Variants in PPHLN1 observed in about 807,000 individuals in gnomAD.
PPHLN1 encodes the protein periphilin 1.
Under a neutral mutation model 51.3 loss-of-function variants are expected in PPHLN1, and 29 were observed. The observed-to-expected ratio is 0.57, with a 90% CI of 0.42 to 0.77. The LOEUF (loss-of-function observed/expected upper bound fraction) is 0.77. PPHLN1 is among the 30% of genes least tolerant of loss of function. PPHLN1 has a pLI of 0.00. For synonymous variants in PPHLN1, 147 were observed against 147.8 expected, an observed-to-expected ratio of 0.99 and a Z score of 0.04; for missense variants, 436 against 438.4, an observed-to-expected ratio of 0.99 and a Z score of 0.05.
chr12:42,367,062 C>T (rs2075343137), intron 4 of PPHLN1, among the ~76,000 whole-genome samples: 1 of 152,154 alleles, frequency 6.6e-6, no homozygotes, highest in Non-Finnish European at 1.5e-5. Context: ...AATTCTTTCT[C>T]ATTCTTCTCA....
chr12:42,350,022 C>T (rs549931994), intron 2 of PPHLN1, among the ~76,000 whole-genome samples: 57 of 150,474 alleles, frequency 3.8e-4, no homozygotes, highest in African/African-American at 1.3e-3. Context: ...AGGGGGTGGC[C>T]GGGCAGAGGC....
intron 2 of PPHLN1, among the ~76,000 whole-genome samples, chr12:42,350,509 C>T (rs1478593040): frequency 6.6e-6 from 1 of 151,786 alleles, no homozygotes; most frequent in Non-Finnish European, 1.5e-5. Context: ...GGGCTCCTCA[C>T]ATCCCAGAAG....
At chr12:42,436,605 T>C (rs2082507627) in intron 9 of PPHLN1, among the ~76,000 whole-genome samples, 1 of 152,166 alleles carries the variant, frequency 6.6e-6, no homozygotes, top group African/African-American at 2.4e-5. Context: ...TTAATTATAA[T>C]ATCCCCCCCT....
chr12:42,355,124 T>C lies in PPHLN1; in HGVS notation c.238-37T>C, dbSNP rs372210035. Reference sequence around the variant, plus strand: ...GATATGTCCCACTTGTCCAAAATAATGTAAACAAATAGCTAAGTAGCTTTT... The same window carrying C: ...GATATGTCCCACTTGTCCAAAATAACGTAAACAAATAGCTAAGTAGCTTTT... On this transcript the variant is annotated intron_variant, in intron 3 of 9. Transcript: ENST00000358314. 5.6e-6 allele frequency: 9 copies of C among 1,595,726 alleles called. No homozygotes were observed. The African/African-American group carries it at 1.2e-4, about 21-fold the overall frequency.
intron 9 of PPHLN1, among the ~76,000 whole-genome samples, chr12:42,429,154 C>A (rs2081797379): frequency 6.6e-6 from 1 of 152,028 alleles, no homozygotes; most frequent in African/African-American, 2.4e-5. Flanking sequence ...TTAGATTTAG[C>A]CTTTTTATAT....
At chr12:42,421,600 A>G (rs982182628) in intron 9 of PPHLN1, among the ~76,000 whole-genome samples, 19 of 152,168 alleles carry the variant, frequency 1.2e-4, no homozygotes, top group Non-Finnish European at 2.8e-4. Flanking sequence ...CACCCGCCTC[A>G]GCCTTCCAAA....
chr12:42,390,165 T>G (rs1435819168), intron 7 of PPHLN1, among the ~76,000 whole-genome samples: 3 of 152,190 alleles, frequency 2.0e-5, no homozygotes, highest in Non-Finnish European at 4.4e-5. Context: ...ATATACTGGG[T>G]GTCTGGGGGG....
chr12:42,410,386 G>A (rs545032274), intron 9 of PPHLN1, among the ~76,000 whole-genome samples: 2 of 152,222 alleles, frequency 1.3e-5, no homozygotes, highest in South Asian at 4.1e-4. Flanking sequence ...CAGTTGCATA[G>A]TCAACTGTGT....
intron 4 of PPHLN1, among the ~76,000 whole-genome samples, chr12:42,371,562 C>T (rs1466494204): frequency 6.6e-6 from 1 of 152,150 alleles, no homozygotes; most frequent in Non-Finnish European, 1.5e-5. Flanking sequence ...TTCTTGTTCA[C>T]ATAGTACTTT....
chr12:42,411,927 C>G (rs2079881560), intron 9 of PPHLN1, among the ~76,000 whole-genome samples: 9 of 85,130 alleles, frequency 1.1e-4, no homozygotes, highest in East Asian at 6.8e-4. Context: ...AAAAAAAGGG[C>G]TGGGCGCGGT....
intron 5 of PPHLN1, 38 bp from the exon 6 acceptor site, chr12:42,384,902 G>C (rs1234578594): frequency 6.5e-7 from 1 of 1,542,816 alleles, no homozygotes; most frequent in Admixed American, 1.7e-5. Context: ...GGGCACAGAG[G>C]TGCTGCTGTT....
At chr12:42,402,624 C>T in intron 9 of PPHLN1, among the ~76,000 whole-genome samples, 1 of 152,008 alleles carries the variant, frequency 6.6e-6, no homozygotes, top group East Asian at 1.9e-4. Context: ...TTTTTCTGTA[C>T]ACAGTTGTGT....
intron 1 of PPHLN1, chr12:42,332,639 C>A: frequency 6.4e-7 from 1 of 1,551,032 alleles, no homozygotes; most frequent in Non-Finnish European, 8.9e-7. Context: ...ATCTTTACGT[C>A]TGTATTTCCC....
chr12:42,372,230 G>T (rs2075872761), intron 4 of PPHLN1, among the ~76,000 whole-genome samples: 1 of 152,136 alleles, frequency 6.6e-6, no homozygotes, highest in Non-Finnish European at 1.5e-5. Flanking sequence ...TGCTTAAATT[G>T]GTGGGGAGCA....
At chr12:42,407,871 C>T (rs75313034) in intron 9 of PPHLN1, among the ~76,000 whole-genome samples, 2,410 of 152,172 alleles carry the variant, frequency 0.016, 32 homozygotes, top group Non-Finnish European at 0.024. Flanking sequence ...TACAGATGCA[C>T]CCATACCCAT....
downstream of PPHLN1, chr12:42,443,003 A>G: frequency 2.5e-6 from 1 of 400,516 alleles, no homozygotes; most frequent in Non-Finnish European, 4.5e-6. Flanking sequence ...ATCTTAAACG[A>G]TATCATGCAC....
intron 1 of PPHLN1, among the ~76,000 whole-genome samples, chr12:42,330,850 C>T (rs1422348263): frequency 2.6e-5 from 4 of 152,170 alleles, no homozygotes; most frequent in African/African-American, 9.7e-5. Flanking sequence ...GCTGGTACTA[C>T]AGGCACGTGC....
chr12:42,343,922 A>G (rs1301705710), intron 2 of PPHLN1: 2 of 444,164 alleles, frequency 4.5e-6, no homozygotes, highest in African/African-American at 4.1e-5. Flanking sequence ...AAATAAATCA[A>G]CAAGTGCTAA....
At chr12:42,362,678 T>A (rs1007319282) in intron 4 of PPHLN1, among the ~76,000 whole-genome samples, 1 of 152,240 alleles carries the variant, frequency 6.6e-6, no homozygotes, top group Admixed American at 6.5e-5. Flanking sequence ...TATACAGTGT[T>A]TATGTGTATT....
Sources: allele counts gnomAD v4.1 joint callset (sites outside exome capture counted in the v4.1 genomes callset), GRCh38; gene constraint gnomAD v4.1.1; transcripts MANE v1.5; gene names NCBI Gene and HGNC (gene_info 2026-07-23, HGNC 2026-07-21).